Variants in CDKAL1 observed in about 807,000 individuals in gnomAD.
CDKAL1 encodes the protein threonylcarbamoyladenosine tRNA methylthiotransferase.
In CDKAL1, 32 loss-of-function variants were observed where a neutral mutation model predicts 68.2. The ratio of observed to expected loss-of-function variants is 0.47; its 90% CI spans 0.35 to 0.63. The LOEUF is 0.63. CDKAL1 is among the 30% of genes least tolerant of loss of function. CDKAL1 has a pLI of 0.00. For synonymous variants in CDKAL1, 234 were observed against 244.3 expected (o/e 0.96, Z 0.39); for missense variants, 606 against 696.7 (o/e 0.87, Z 1.47).
At chr6:21,113,287 C>T in intron 13 of CDKAL1, among the ~76,000 whole-genome samples, 1 of 152,074 alleles carries the variant, frequency 6.6e-6, no homozygotes. Flanking sequence ...CTTGAAAAGT[C>T]TCAGGAACTG....
intron 15 of CDKAL1, among the ~76,000 whole-genome samples, chr6:21,206,193 T>C (rs1200442398): frequency 2.6e-5 from 4 of 152,112 alleles, no homozygotes; most frequent in Non-Finnish European, 5.9e-5. Flanking sequence ...TGCAGGAGTC[T>C]TATTCGATAA....
At chr6:20,857,083 T>C (rs923910594) in intron 9 of CDKAL1, among the ~76,000 whole-genome samples, 1 of 152,152 alleles carries the variant, frequency 6.6e-6, no homozygotes, top group Non-Finnish European at 1.5e-5. Flanking sequence ...AGTGGGACCT[T>C]GGCTGTTCTG....
chr6:20,805,258 A>G (rs1776520771), intron 8 of CDKAL1, among the ~76,000 whole-genome samples: 1 of 152,170 alleles, frequency 6.6e-6, no homozygotes, highest in African/African-American at 2.4e-5. Flanking sequence ...CCATGAGTGC[A>G]ACTGTCTCCT....
intron 6 of CDKAL1, among the ~76,000 whole-genome samples, chr6:20,744,118 TG>T (rs1322864189): frequency 6.6e-6 from 1 of 152,230 alleles, no homozygotes; most frequent in Non-Finnish European, 1.5e-5. Flanking sequence ...TTTCATGCAA[TG>T]CCATTTTTAT....
Position 20,747,987 on chromosome 6 carries a change from C to T in CDKAL1, c.468+8372C>T, listed in dbSNP as rs867124914. On this transcript the variant is annotated intron_variant, in intron 6 of 15. Coordinates refer to ENST00000274695, the MANE Select transcript of CDKAL1 (RefSeq NM_017774.3). ...AGGAATTTCACAGTGTCAGGTCTTA[C>T]ATTTAGACCTATAATCTGGAGCTGA... Among the ~76,000 whole-genome samples the T allele has an allele frequency of 7.2e-5, 11 of 152,294 alleles. No homozygotes were observed. In the Middle Eastern group the frequency reaches 0.01, roughly 141 times the overall value.
chr6:20,582,827 C>T (rs1561941807), intron 4 of CDKAL1, among the ~76,000 whole-genome samples: 1 of 152,144 alleles, frequency 6.6e-6, no homozygotes, highest in Non-Finnish European at 1.5e-5. Context: ...GGAGTTAAAT[C>T]TGTGTTAAAT....
intron 8 of CDKAL1, among the ~76,000 whole-genome samples, chr6:20,784,412 CTTTTTTTTT>C (rs1175015329): frequency 0.012 from 386 of 33,442 alleles, 1 homozygote; most frequent in African/African-American, 0.023. Context: ...TATTTTATTT[CTTTTTTTTT>C]TTTTTTTTTT....
At chr6:20,663,172 A>G (rs1282704547) in intron 5 of CDKAL1, among the ~76,000 whole-genome samples, 1 of 151,986 alleles carries the variant, frequency 6.6e-6, no homozygotes, top group Non-Finnish European at 1.5e-5. Context: ...CTTGCATCTC[A>G]TTGTGTGGAG....
intron 4 of CDKAL1, among the ~76,000 whole-genome samples, chr6:20,637,387 A>G (rs1433737693): frequency 6.6e-6 from 1 of 151,974 alleles, no homozygotes; most frequent in Non-Finnish European, 1.5e-5. Flanking sequence ...ATATGGTGAA[A>G]CCCCACCTCA....
chr6:20,833,365 C>G (rs1581667051), intron 8 of CDKAL1, among the ~76,000 whole-genome samples: 1 of 152,160 alleles, frequency 6.6e-6, no homozygotes, highest in East Asian at 1.9e-4. Context: ...ACATCCTTTT[C>G]CTATACGTGT....
intron 4 of CDKAL1, among the ~76,000 whole-genome samples, chr6:20,583,419 A>G (rs1030685892): frequency 1.3e-5 from 2 of 152,210 alleles, no homozygotes; most frequent in African/African-American, 2.4e-5. Context: ...CTTTCAGTAC[A>G]TATTGATGTA....
chr6:20,798,279 G>A (rs1225250009), intron 8 of CDKAL1, among the ~76,000 whole-genome samples: 1 of 152,086 alleles, frequency 6.6e-6, no homozygotes, highest in African/African-American at 2.4e-5. Flanking sequence ...GAACTCTTCT[G>A]TAGTCTTTTG....
chr6:20,979,927 A>G (rs1766028631), intron 10 of CDKAL1, among the ~76,000 whole-genome samples: 1 of 151,676 alleles, frequency 6.6e-6, no homozygotes, highest in Admixed American at 6.6e-5. Flanking sequence ...ATGCACCACC[A>G]CACCTGGCTA....
chr6:20,625,890 CTT>C (rs1767408944), intron 4 of CDKAL1, among the ~76,000 whole-genome samples: 1 of 152,080 alleles, frequency 6.6e-6, no homozygotes, highest in African/African-American at 2.4e-5. Context: ...ACTTATTACT[CTT>C]TCTTACTAGC....
chr6:20,780,773 G>A (rs1235750458), intron 7 of CDKAL1, among the ~76,000 whole-genome samples: 2 of 149,892 alleles, frequency 1.3e-5, no homozygotes, highest in African/African-American at 2.5e-5. Flanking sequence ...TCCCGGGCTC[G>A]AGCTATTCTC....
intron 12 of CDKAL1, among the ~76,000 whole-genome samples, chr6:21,108,174 G>A (rs1214939101): frequency 6.6e-6 from 1 of 151,820 alleles, no homozygotes; most frequent in Non-Finnish European, 1.5e-5. Context: ...CTTCTAGGAA[G>A]AGGTCACCTG....
At chr6:20,701,259 GTTTTTT>G (rs11305935) in intron 5 of CDKAL1, among the ~76,000 whole-genome samples, 1 of 118,586 alleles carries the variant, frequency 8.4e-6, no homozygotes. Flanking sequence ...ACATGAAGTT[GTTTTTT>G]TTTTTTTTTT....
At chr6:21,129,421 T>C (rs370049663) in intron 13 of CDKAL1, among the ~76,000 whole-genome samples, 3 of 152,050 alleles carry the variant, frequency 2.0e-5, no homozygotes, top group East Asian at 1.9e-4. Flanking sequence ...CAAGTCCATT[T>C]TGGACTAGAA....
chr6:20,756,839 T>TTTCTTTCTTCCTTC (rs1774198628), intron 6 of CDKAL1: 1 of 68,800 alleles, frequency 1.5e-5, no homozygotes, highest in Non-Finnish European at 2.9e-5. Context: ...TTCCTTCCTT[T>TTTCTTTCTTCCTTC]CTTCCTTCCT....
Sources: allele counts gnomAD v4.1 joint callset (sites outside exome capture counted in the v4.1 genomes callset), GRCh38; gene constraint gnomAD v4.1.1; transcripts MANE v1.5; gene names NCBI Gene and HGNC (gene_info 2026-07-23, HGNC 2026-07-21).